The following PTPRN2 variants were observed in gnomAD, a reference collection of about 807,000 sequenced individuals.
The protein encoded by PTPRN2 is receptor-type tyrosine-protein phosphatase N2.
Under a neutral mutation model 118.8 loss-of-function variants are expected in PTPRN2, and 74 were observed. The observed-to-expected ratio is 0.62, with a 90% CI of 0.52 to 0.76. The LOEUF is 0.76. Ranked by LOEUF, PTPRN2 falls within the 30% of genes least tolerant of loss-of-function variation. The pLI, the probability that PTPRN2 is intolerant of heterozygous loss-of-function variation, is 0.00. For synonymous variants in PTPRN2, 641 were observed against 608.0 expected (o/e 1.05, Z -0.80); for missense variants, 1,481 against 1,394.4 (o/e 1.06, Z -0.99).
rs560064409 is a variant in PTPRN2, at chr7:158,146,294, TA to T, written c.911-7780del. Among the ~76,000 whole-genome samples the T allele has an allele frequency of 2.2e-3, 333 of 152,148 alleles. 2 individuals are homozygous for T. Among genetic ancestry groups the T allele is most frequent in the African/African-American group, 7.7e-3 (319 of 41,476 alleles). On this transcript the variant is annotated intron_variant, in intron 6 of 22. Coordinates refer to ENST00000389418, the MANE Select transcript of PTPRN2 (RefSeq NM_002847.5). ...ATTAACCAAAATGTTAACCTATATT[TA>T]AAAAAATATGAACCTCTCATTAAAG... is the stretch of plus-strand genomic sequence containing the variant.
intron 2 of PTPRN2, among the ~76,000 whole-genome samples, chr7:158,413,932 G>T (rs559548631): frequency 6.6e-6 from 1 of 152,180 alleles, no homozygotes; most frequent in Non-Finnish European, 1.5e-5. Context: ...CTGAGGTCAG[G>T]AGTTCGAGAC....
intron 3 of PTPRN2, among the ~76,000 whole-genome samples, chr7:158,246,841 G>A (rs1223415120): frequency 4.6e-5 from 7 of 152,026 alleles, no homozygotes; most frequent in Admixed American, 1.3e-4. Context: ...GATGGTGCAC[G>A]TGACCCACGA....
At chr7:158,074,646 G>A (rs1812209026) in intron 11 of PTPRN2, among the ~76,000 whole-genome samples, 1 of 152,144 alleles carries the variant, frequency 6.6e-6, no homozygotes, top group South Asian at 2.1e-4. Context: ...GGAAGCTGGA[G>A]GCCCTGGGGG....
chr7:158,211,671 A>G (rs1392347783), intron 3 of PTPRN2, among the ~76,000 whole-genome samples: 1 of 152,220 alleles, frequency 6.6e-6, no homozygotes, highest in Non-Finnish European at 1.5e-5. Flanking sequence ...ATGAGATATC[A>G]TCTCACCCAG....
intron 1 of PTPRN2, among the ~76,000 whole-genome samples, chr7:158,503,475 G>A (rs1401446048): frequency 2.0e-5 from 3 of 152,106 alleles, no homozygotes; most frequent in Non-Finnish European, 4.4e-5. Flanking sequence ...TTCCTCCCCC[G>A]GCCTGTCTCC....
In PTPRN2 at chr7:157,583,880, TCAAACACACA is replaced by T. The variant is rs1430983025; in HGVS notation, c.2497-5750_2497-5741del. Among the ~76,000 whole-genome samples the T allele has an allele frequency of 1.7e-5, 2 of 114,880 alleles. No homozygotes were observed. The highest frequency in any genetic ancestry group is 3.6e-5 in the Non-Finnish European group (2 of 55,030). 75.4% of individuals were successfully genotyped at this position (114,880 alleles called of 152,430 possible). A position where few individuals can be genotyped will look rare whatever the true frequency, so the allele number is the denominator to read the frequency against. ...CTGGGTGACAGAGCGAGACTCTGTC[TCAAACACACA>T]CACACACACACACACACACACACAC... is the stretch of plus-strand genomic sequence containing the variant. On this transcript the variant is annotated intron_variant, in intron 17 of 22. Coordinates refer to ENST00000389418, the MANE Select transcript of PTPRN2 (RefSeq NM_002847.5). This position sits in a 1 kb window ranked among gnomAD's most constrained non-coding sequence, Gnocchi z 5.5.
rs183689327 is a variant in PTPRN2, at chr7:158,198,416, T to A, written c.381-5921A>T. Among the ~76,000 whole-genome samples the A allele has an allele frequency of 9.6e-4, 147 of 152,368 alleles. 1 individual carries two copies. The highest frequency in any genetic ancestry group is 3.1e-3 in the African/African-American group (130 of 41,578). On this transcript the variant is annotated intron_variant, in intron 4 of 22. Coordinates refer to ENST00000389418, the MANE Select transcript of PTPRN2 (RefSeq NM_002847.5). Reference sequence around the variant, plus strand: ...ACTTAGTAGCTATTCCCTTCTCCATTGGCACACACTGGCCTTAGGCTCACG... The same window carrying A: ...ACTTAGTAGCTATTCCCTTCTCCATAGGCACACACTGGCCTTAGGCTCACG...
At position 157,929,589 on chromosome 7, in the gene PTPRN2, C is replaced by T. The variant is rs1421176682; in HGVS notation, c.1724-30852G>A. Among the ~76,000 whole-genome samples, 1 of 152,160 alleles carries T rather than the reference C, an allele frequency of 6.6e-6. No individual in the cohort carries two copies. Among genetic ancestry groups the T allele is most frequent in the Non-Finnish European group, 1.5e-5 (1 of 68,026 alleles). Reference sequence around the variant, plus strand: ...CCACATTTGCCACCTCTGGTCCCATCTTCCTTTCAGGGTCCAGGCAGTCTT... The same window carrying T: ...CCACATTTGCCACCTCTGGTCCCATTTTCCTTTCAGGGTCCAGGCAGTCTT... On this transcript the variant is annotated intron_variant, in intron 11 of 22. Transcript: ENST00000389418. The surrounding 1 kb of genome is among the most constrained non-coding windows in gnomAD (Gnocchi z 4.4).
At chr7:158,000,011 C>A (rs1055970718) in intron 11 of PTPRN2, among the ~76,000 whole-genome samples, 3 of 151,988 alleles carry the variant, frequency 2.0e-5, no homozygotes, top group East Asian at 1.9e-4. Flanking sequence ...CTCAGCCTCG[C>A]GAGAAGCTGG....
chr7:157,963,039 T>C (rs1450373254), intron 11 of PTPRN2, among the ~76,000 whole-genome samples: 1 of 152,222 alleles, frequency 6.6e-6, no homozygotes, highest in Non-Finnish European at 1.5e-5. Context: ...CAAGGCAGCA[T>C]GCAGAGAAGC....
chr7:157,580,167 A>C (rs1163048045), intron 17 of PTPRN2, among the ~76,000 whole-genome samples: 1 of 152,194 alleles, frequency 6.6e-6, no homozygotes, highest in East Asian at 1.9e-4. Flanking sequence ...GCACCTGTGA[A>C]TGTGACCTCA....
intron 10 of PTPRN2, among the ~76,000 whole-genome samples, chr7:158,090,455 C>A (rs73748041): frequency 0.016 from 2,363 of 152,290 alleles, 61 homozygotes; most frequent in African/African-American, 0.054. Flanking sequence ...GAGATCATTT[C>A]ATCACTGTAA....
chr7:158,013,562 T>A (rs1460703134), intron 11 of PTPRN2, among the ~76,000 whole-genome samples: 1 of 151,656 alleles, frequency 6.6e-6, no homozygotes, highest in Admixed American at 6.6e-5. Flanking sequence ...CAAACATACA[T>A]TAATCTACCA....
chr7:157,736,923 C>T (rs549540461), intron 12 of PTPRN2, among the ~76,000 whole-genome samples: 3 of 152,274 alleles, frequency 2.0e-5, no homozygotes, highest in East Asian at 1.9e-4. Context: ...AGCTCCTCTC[C>T]GTCCTGGTGG....
chr7:158,559,606 C>CCGCTGG (rs1370711028), intron 1 of PTPRN2, among the ~76,000 whole-genome samples: 2 of 152,198 alleles, frequency 1.3e-5, no homozygotes, highest in Admixed American at 1.3e-4. Flanking sequence ...CGCGGGGATA[C>CCGCTGG]CTCACCCAGC....
In PTPRN2 at chr7:157,990,455, C is replaced by A. The variant is rs546032553; in HGVS notation, c.1723+90843G>T. On this transcript the variant is annotated intron_variant, in intron 11 of 22. Transcript: ENST00000389418. This position sits in a 1 kb window ranked among gnomAD's most constrained non-coding sequence, Gnocchi z 4.3. ...TCCAGGTTCTCCTTCCTTCAGGGCACCCCCACCCACCCTCTCCCCAAGGCT... is the reference window on the plus strand; with the variant it reads ...TCCAGGTTCTCCTTCCTTCAGGGCAACCCCACCCACCCTCTCCCCAAGGCT... 1.3e-5 allele frequency among the ~76,000 whole-genome samples: 2 copies of A among 152,270 alleles called. No homozygotes were observed. The highest frequency in any genetic ancestry group is 2.1e-4 in the South Asian group (1 of 4,828).
intron 1 of PTPRN2, among the ~76,000 whole-genome samples, chr7:158,541,011 T>C (rs1037036523): frequency 6.6e-6 from 1 of 152,290 alleles, no homozygotes; most frequent in Admixed American, 6.5e-5. Flanking sequence ...GACGGGCAGC[T>C]GAGGCTCGGA....
intron 14 of PTPRN2, among the ~76,000 whole-genome samples, chr7:157,653,505 G>C: frequency 6.6e-6 from 1 of 152,148 alleles, no homozygotes; most frequent in Non-Finnish European, 1.5e-5. Flanking sequence ...GTGTGCCAGG[G>C]AGGGTGGCGG....
intron 21 of PTPRN2, among the ~76,000 whole-genome samples, chr7:157,565,817 A>C (rs1373106437): frequency 1.3e-5 from 2 of 152,232 alleles, no homozygotes; most frequent in Non-Finnish European, 2.9e-5. Context: ...TGAGAGAGGA[A>C]CAGGCTACCT....
Sources: gnomAD v4.1 joint callset for allele counts (sites outside exome capture counted in the v4.1 genomes callset) on GRCh38, gnomAD v4.1.1 for gene constraint, Gnocchi (gnomAD v3.1) non-coding constraint, MANE v1.5 for transcripts, NCBI Gene and HGNC (gene_info 2026-07-23, HGNC 2026-07-21) for gene names.